Variants in MTHFD2L observed in about 807,000 individuals in gnomAD.
The protein encoded by MTHFD2L is bifunctional methylenetetrahydrofolate dehydrogenase/cyclohydrolase 2, mitochondrial.
MTHFD2L carries 29 observed loss-of-function variants against 34.9 expected under a neutral mutation model. The observed-to-expected ratio is 0.83, with a 90% CI of 0.62 to 1.13. MTHFD2L has a LOEUF of 1.13. MTHFD2L is among the 50% of genes most tolerant of loss of function. The pLI is 0.00. For missense variants in MTHFD2L, 481 were observed against 446.5 expected, an observed-to-expected ratio of 1.08 and a Z score of -0.70; for synonymous variants, 167 against 155.7, an observed-to-expected ratio of 1.07 and a Z score of -0.54.
intron 5 of MTHFD2L, among the ~76,000 whole-genome samples, chr4:74,210,195 T>A (rs1419433835): frequency 2.0e-5 from 3 of 152,222 alleles, no homozygotes; most frequent in Non-Finnish European, 2.9e-5. Flanking sequence ...TTAGTTTAAT[T>A]ACATCCCATT....
In MTHFD2L at chr4:74,117,863, A is replaced by T. The variant is rs148597077; in HGVS notation, c.-144+3206A>T. On this transcript the variant is annotated intron_variant and NMD_transcript_variant, in intron 2 of 9. Coordinates refer to the MTHFD2L transcript ENST00000429519. Reference sequence around the variant, plus strand: ...TCAGTCTCTATATCAATTCCCACCAAACAGATGCAAAGTCCTGTCCATTTG... The same window carrying T: ...TCAGTCTCTATATCAATTCCCACCATACAGATGCAAAGTCCTGTCCATTTG... Among the ~76,000 whole-genome samples, 491 of 152,246 alleles carry T rather than the reference A, an allele frequency of 3.2e-3. 5 individuals carry two copies. The highest frequency in any genetic ancestry group is 5.4e-3 in the Non-Finnish European group (368 of 68,014).
chr4:74,185,151 C>CAAAA (rs1169021073), intron 3 of MTHFD2L, among the ~76,000 whole-genome samples: 703 of 15,974 alleles, frequency 0.044, 58 homozygotes, highest in East Asian at 0.083. Context: ...GACTCCATCT[C>CAAAA]AAAAAAAAAA....
intron 5 of MTHFD2L, among the ~76,000 whole-genome samples, chr4:74,220,035 T>G (rs1737889308): frequency 6.6e-6 from 1 of 152,072 alleles, no homozygotes. Flanking sequence ...TGTCAAATTC[T>G]TGATGAAATA....
chr4:74,160,192 G>A lies in MTHFD2L; in HGVS notation c.143+1911G>A, dbSNP rs143541089. The A allele has an allele frequency of 2.8e-5, 25 of 886,674 alleles. No homozygotes were observed. The East Asian group carries it at 1.5e-3, about 53-fold the overall frequency. 54.9% of individuals were successfully genotyped at this position (886,674 alleles called of 1,614,324 possible). A position where few individuals can be genotyped will look rare whatever the true frequency, so the allele number is the denominator to read the frequency against. On this transcript the variant is annotated intron_variant, in intron 1 of 7. Transcript: ENST00000325278. The stretch of plus-strand genomic sequence containing the variant: ...GTTCTTCATAGTTAATGTGGTTTAA[G>A]TCTGACATCTTTTCTTTTGCCATGA...
rs770386868 is a variant in MTHFD2L at position 74,225,392 on chromosome 4, C to T, written c.803C>T (p.Ala268Val). The change falls in exon 6 of 8, where the codon GCA becomes GTA. Residue 268 changes from alanine (A) to valine (V), a missense_variant and splice_region_variant. Coordinates refer to ENST00000325278, the MANE Select transcript of MTHFD2L (RefSeq NM_001144978.3). ...CTGGCAGATATTATCATAGTTGCTG[C>T]AGGTAAGTCCTTAGTGACTGTTATT... is the stretch of plus-strand genomic sequence containing the variant. ...TQLADIIIVA[A>V]GIPKLITSDM... 3.1e-6 allele frequency: 5 copies of T among 1,611,106 alleles called. No individual in the cohort carries two copies. In the Admixed American group the frequency reaches 5.0e-5, roughly 16 times the overall value.
At chr4:74,154,198 C>T (rs184837694), upstream of MTHFD2L, among the ~76,000 whole-genome samples, 17 of 152,228 alleles carry the variant, frequency 1.1e-4, 1 homozygote, top group South Asian at 2.9e-3. Flanking sequence ...GTACAATTCT[C>T]GCCACATTAT....
At chr4:74,115,300 A>G (rs761503050) in intron 2 of MTHFD2L, among the ~76,000 whole-genome samples, 4 of 152,250 alleles carry the variant, frequency 2.6e-5, no homozygotes, top group Non-Finnish European at 5.9e-5. Context: ...AAGTGTGGCA[A>G]TATCTGTCAT....
intron 5 of MTHFD2L, among the ~76,000 whole-genome samples, chr4:74,213,114 G>T (rs1250737361): frequency 1.3e-5 from 2 of 151,862 alleles, no homozygotes; most frequent in Admixed American, 1.3e-4. Context: ...TGGGTCTCCT[G>T]AATACAGCAC....
chr4:74,184,667 A>G (rs1730805658), intron 3 of MTHFD2L, among the ~76,000 whole-genome samples: 1 of 152,172 alleles, frequency 6.6e-6, no homozygotes, highest in Admixed American at 6.5e-5. Context: ...AACCAATTTG[A>G]CATAATTAAA....
rs1042398991 is a variant in MTHFD2L at position 74,263,160 on chromosome 4, C to T, written c.806-18265C>T. On this transcript the variant is annotated intron_variant, in intron 6 of 7. Transcript: ENST00000325278. ...GTGTGTGTGTGCTGTCTTATTTCTA[C>T]GTTCTCTATTCTGTTCCATTGGTCT... Among the ~76,000 whole-genome samples, 4 of 151,516 alleles carry T rather than the reference C, an allele frequency of 2.6e-5. No homozygotes were observed. In the East Asian group the frequency reaches 5.8e-4, roughly 22 times the overall value.
intron 1 of MTHFD2L, among the ~76,000 whole-genome samples, chr4:74,147,869 TGAGCTATAG>T (rs1344632178): frequency 4.6e-5 from 7 of 152,352 alleles, no homozygotes; most frequent in Non-Finnish European, 8.8e-5. Context: ...TGGTTTTTGT[TGAGCTATAG>T]GAGTTTTCTT....
intron 6 of MTHFD2L, among the ~76,000 whole-genome samples, chr4:74,249,487 A>G (rs1418185414): frequency 1.3e-5 from 2 of 151,772 alleles, no homozygotes; most frequent in African/African-American, 4.8e-5. Context: ...TTACATTTAA[A>G]GTTAATATTG....
At chr4:74,164,305 T>C (rs1039156986) in intron 1 of MTHFD2L, among the ~76,000 whole-genome samples, 4 of 152,242 alleles carry the variant, frequency 2.6e-5, no homozygotes, top group Non-Finnish European at 4.4e-5. Flanking sequence ...TGATCTTGAC[T>C]AGGTTTTATT....
chr4:74,141,519 G>A (rs145274760), intron 1 of MTHFD2L, among the ~76,000 whole-genome samples: 7 of 152,078 alleles, frequency 4.6e-5, no homozygotes, highest in Non-Finnish European at 7.4e-5. Flanking sequence ...CTTGTTTCTC[G>A]CTTTGATTAC....
chr4:74,185,100 C>T (rs951739183), intron 3 of MTHFD2L, among the ~76,000 whole-genome samples: 2 of 131,288 alleles, frequency 1.5e-5, no homozygotes, highest in East Asian at 2.2e-4. Context: ...TGCAGTGAGC[C>T]GAGATTAAGC....
chr4:74,199,974 G>A (rs990864412), intron 4 of MTHFD2L, 28 bp downstream of exon 4: 1 of 1,612,264 alleles, frequency 6.2e-7, no homozygotes, highest in Non-Finnish European at 8.5e-7. Context: ...TGCAGGACAT[G>A]GATGCTAGGT....
At chr4:74,164,076 C>A (rs989470331) in intron 1 of MTHFD2L, among the ~76,000 whole-genome samples, 1 of 152,076 alleles carries the variant, frequency 6.6e-6, no homozygotes, top group Non-Finnish European at 1.5e-5. Context: ...GGGGTTTCAC[C>A]GTGTTAGCCA....
intron 6 of MTHFD2L, among the ~76,000 whole-genome samples, chr4:74,256,082 C>G (rs530709984): frequency 4.7e-4 from 71 of 152,278 alleles, no homozygotes; most frequent in Non-Finnish European, 8.8e-4. Context: ...CTCCAAGCTG[C>G]TTTCCACAGT....
At chr4:74,252,009 G>T (rs1373263998) in intron 6 of MTHFD2L, among the ~76,000 whole-genome samples, 1 of 152,166 alleles carries the variant, frequency 6.6e-6, no homozygotes, top group East Asian at 1.9e-4. Context: ...CCAGGTGAAT[G>T]CTTGGAAAAA....
Sources: allele counts gnomAD v4.1 joint callset (sites outside exome capture counted in the v4.1 genomes callset), GRCh38; gene constraint gnomAD v4.1.1; transcripts MANE v1.5; gene names NCBI Gene and HGNC (gene_info 2026-07-23, HGNC 2026-07-21).